Variants in PACRG observed in about 807,000 individuals in gnomAD.
PACRG encodes parkin coregulated gene protein.
Under a neutral mutation model 29.7 loss-of-function variants are expected in PACRG, and 29 were observed. The ratio of observed to expected loss-of-function variants is 0.98; its 90% CI spans 0.73 to 1.33. The LOEUF (loss-of-function observed/expected upper bound fraction) is 1.33, where lower values mean the gene tolerates loss of function less well. Ranked by LOEUF, PACRG falls within the 40% of genes most tolerant of loss-of-function variation. PACRG has a pLI of 0.00. For missense variants in PACRG, 279 were observed against 316.2 expected (o/e 0.88, Z 0.89); for synonymous variants, 116 against 118.7 (o/e 0.98, Z 0.15).
chr6:162,807,604 A>G (rs1320463138), intron 1 of PACRG, among the ~76,000 whole-genome samples: 1 of 152,154 alleles, frequency 6.6e-6, no homozygotes, highest in Non-Finnish European at 1.5e-5. Context: ...GTTGCCTTAT[A>G]TGAGAGTTGT....
intron 4 of PACRG, among the ~76,000 whole-genome samples, chr6:163,288,821 G>T (rs1784484264): frequency 1.3e-5 from 2 of 152,194 alleles, no homozygotes; most frequent in African/African-American, 2.4e-5. Context: ...CTACAATTTA[G>T]GGGGTATGTG....
intron 4 of PACRG, among the ~76,000 whole-genome samples, chr6:163,234,029 G>A (rs1782141944): frequency 6.6e-6 from 1 of 152,112 alleles, no homozygotes; most frequent in South Asian, 2.1e-4. Flanking sequence ...TCAGGTCTTG[G>A]GGGATAACTA....
chr6:163,098,891 A>C (rs1814837642), intron 4 of PACRG, among the ~76,000 whole-genome samples: 1 of 152,152 alleles, frequency 6.6e-6, no homozygotes, highest in Non-Finnish European at 1.5e-5. Context: ...GTAAACTGTC[A>C]TGGCCCTGGT....
intron 2 of PACRG, among the ~76,000 whole-genome samples, chr6:162,833,907 G>T (rs77183043): frequency 1.3e-5 from 2 of 152,018 alleles, no homozygotes; most frequent in East Asian, 3.8e-4. Flanking sequence ...TAACTGTACA[G>T]TTCAAGTTGT....
At chr6:163,044,140 C>T (rs1407246952) in intron 2 of PACRG, among the ~76,000 whole-genome samples, 1 of 150,676 alleles carries the variant, frequency 6.6e-6, no homozygotes, top group African/African-American at 2.4e-5. Context: ...GTTGGATGTT[C>T]AGCTTGCCTA....
intron 2 of PACRG, among the ~76,000 whole-genome samples, chr6:162,878,133 G>A (rs1793528623): frequency 6.6e-6 from 1 of 152,054 alleles, no homozygotes; most frequent in Non-Finnish European, 1.5e-5. Flanking sequence ...AGGGGAATTG[G>A]AATAATAACT....
chr6:163,049,849 C>A (rs2128246195), intron 2 of PACRG, among the ~76,000 whole-genome samples: 1 of 152,116 alleles, frequency 6.6e-6, no homozygotes, highest in South Asian at 2.1e-4. Context: ...TAATTTGGTA[C>A]CATCTCTGTG....
chr6:163,227,205 C>A (rs796812193), intron 4 of PACRG, among the ~76,000 whole-genome samples: 1 of 152,092 alleles, frequency 6.6e-6, no homozygotes, highest in East Asian at 1.9e-4. Context: ...CAGGAGGCCT[C>A]GGGAAGCTTC....
At chr6:162,754,275 A>G (rs1781730583) in intron 1 of PACRG, among the ~76,000 whole-genome samples, 1 of 152,128 alleles carries the variant, frequency 6.6e-6, no homozygotes, top group Admixed American at 6.6e-5. Context: ...AGCCATTTGT[A>G]TCTCTTTTTT....
intron 2 of PACRG, among the ~76,000 whole-genome samples, chr6:162,955,172 A>G (rs966998631): frequency 1.3e-5 from 2 of 152,242 alleles, no homozygotes; most frequent in Non-Finnish European, 2.9e-5. Flanking sequence ...AGGAAGAAGA[A>G]AAAGCAAAAG....
chr6:162,797,303 G>T (rs1785463504), intron 1 of PACRG, among the ~76,000 whole-genome samples: 1 of 151,894 alleles, frequency 6.6e-6, no homozygotes, highest in Non-Finnish European at 1.5e-5. Context: ...AACAACAACA[G>T]AAAAAAACCT....
chr6:162,776,902 G>A (rs1783687516), intron 1 of PACRG, among the ~76,000 whole-genome samples: 1 of 152,054 alleles, frequency 6.6e-6, no homozygotes, highest in African/African-American at 2.4e-5. Context: ...GCATTAAAAG[G>A]CATAAGAATG....
At chr6:163,120,965 G>A (rs905609301) in intron 4 of PACRG, among the ~76,000 whole-genome samples, 22 of 152,140 alleles carry the variant, frequency 1.4e-4, no homozygotes, top group African/African-American at 5.3e-4. Flanking sequence ...GACTTTAAGA[G>A]CAAAATGTTG....
rs995473231 is a variant in PACRG at position 163,269,963 on chromosome 6, G to C, written c.614-44864G>C. On this transcript the variant is annotated intron_variant, in intron 4 of 4. Transcript: ENST00000366888. ...AGAAAGAAAGAAAGAAAGAAAGAAA[G>C]AAAGAAAGAAAGAAAGAAAGAAAGA... Among the ~76,000 whole-genome samples the C allele has an allele frequency of 1.0e-2, 635 of 63,654 alleles. 93 individuals carry two copies. The highest frequency in any genetic ancestry group is 0.037 in the African/African-American group (479 of 12,894). 41.8% of individuals were successfully genotyped at this position (63,654 alleles called of 152,430 possible). A position where few individuals can be genotyped will look rare whatever the true frequency, so the allele number is the denominator to read the frequency against.
chr6:163,137,304 A>C (rs1464008093), intron 4 of PACRG, among the ~76,000 whole-genome samples: 1 of 152,072 alleles, frequency 6.6e-6, no homozygotes, highest in Non-Finnish European at 1.5e-5. Flanking sequence ...CAATGTGTGC[A>C]TTGACCATAC....
intron 4 of PACRG, among the ~76,000 whole-genome samples, chr6:163,153,689 C>A (rs577702918): frequency 2.6e-5 from 4 of 152,286 alleles, no homozygotes; most frequent in African/African-American, 9.6e-5. Flanking sequence ...AAAGTAGTGT[C>A]TTGAACAGCA....
chr6:162,771,353 A>G (rs1414198560), intron 1 of PACRG, among the ~76,000 whole-genome samples: 1 of 152,178 alleles, frequency 6.6e-6, no homozygotes, highest in African/African-American at 2.4e-5. Flanking sequence ...CACCCACATC[A>G]GTGGTCCACC....
intron 1 of PACRG, among the ~76,000 whole-genome samples, chr6:162,799,032 G>C (rs772275762): frequency 6.6e-6 from 1 of 152,164 alleles, no homozygotes; most frequent in Non-Finnish European, 1.5e-5. Context: ...CTTCTGGATT[G>C]GTGAATTGCG....
At chr6:163,184,677 C>A (rs552517455) in intron 4 of PACRG, 1 of 152,132 alleles carries the variant, frequency 6.6e-6, no homozygotes, top group Non-Finnish European at 1.5e-5. Context: ...GAGGAGTTAA[C>A]TCAGAGCCTT....
Sources: allele counts gnomAD v4.1 joint callset (sites outside exome capture counted in the v4.1 genomes callset), GRCh38; gene constraint gnomAD v4.1.1; transcripts MANE v1.5; gene names NCBI Gene and HGNC (gene_info 2026-07-23, HGNC 2026-07-21).